Variants in DACH2 observed in about 807,000 individuals in gnomAD.
DACH2 encodes the protein dachshund homolog 2.
DACH2 carries 17 observed loss-of-function variants against 35.8 expected under a neutral mutation model. That is an observed-to-expected ratio of 0.48 (90% CI 0.33 to 0.71). The LOEUF (loss-of-function observed/expected upper bound fraction) is 0.71. DACH2 is among the 30% of genes least tolerant of loss of function. The probability of loss-of-function intolerance (pLI) is 0.02; values close to 1 mark genes in which losing one functional copy is unlikely to be tolerated. For synonymous variants in DACH2, 195 were observed against 177.3 expected, an observed-to-expected ratio of 1.10 and a Z score of -0.79; for missense variants, 469 against 472.7, an observed-to-expected ratio of 0.99 and a Z score of 0.07.
chrX:86,286,747 AAAC>A (rs1156605199), intron 1 of DACH2, among the ~76,000 whole-genome samples: 1 of 50,323 alleles, frequency 2.0e-5, no homozygotes, highest in Non-Finnish European at 3.2e-5. Flanking sequence ...AGCAAAAAGG[AAAC>A]AACAATAACT....
At position 86,455,961 on chromosome X, in the gene DACH2, T is replaced by C. The variant is rs1257511810; in HGVS notation, c.528-58318T>C. ...CAGCTTTTTGTGTCAGACCCAAGGC[T>C]CTGATGGCATAGGCTCATGAGGGGA... On this transcript the variant is annotated intron_variant, in intron 2 of 11. Transcript: ENST00000373125. 3.6e-5 allele frequency among the ~76,000 whole-genome samples: 4 copies of C among 112,145 alleles called. No homozygotes were observed. The Admixed American group carries it at 3.8e-4, about 11-fold the overall frequency.
At chrX:86,715,452 A>G (rs1258273993) in intron 6 of DACH2, among the ~76,000 whole-genome samples, 3 of 110,712 alleles carry the variant, frequency 2.7e-5, no homozygotes, top group East Asian at 2.8e-4. Flanking sequence ...CTCTCTTTCC[A>G]ATTATCATAT....
chrX:86,483,831 C>CAA (rs34870205), intron 2 of DACH2, among the ~76,000 whole-genome samples: 42 of 105,144 alleles, frequency 4.0e-4, no homozygotes, highest in African/African-American at 1.2e-3. Flanking sequence ...GACCTAGTCT[C>CAA]AAAAAAAAAT....
chrX:86,375,672 G>A lies in DACH2; in HGVS notation c.489-1152G>A, dbSNP rs969686493. On this transcript the variant is annotated intron_variant, in intron 1 of 11. Coordinates refer to ENST00000373125, the MANE Select transcript of DACH2 (RefSeq NM_053281.3). Reference sequence around the variant, plus strand: ...AGTTATGGCAGTGGAGTGACAGAACGTAAGAGTAGGTGAAAAAAGGCTCAC... The same window carrying A: ...AGTTATGGCAGTGGAGTGACAGAACATAAGAGTAGGTGAAAAAAGGCTCAC... 4.0e-4 allele frequency among the ~76,000 whole-genome samples: 43 copies of A among 107,537 alleles called. 1 individual carries two copies. The highest frequency in any genetic ancestry group is 2.4e-4 in the African/African-American group (7 of 29,747). The allele number at this position is 107,537 out of a possible 115,157, so 93.4% of individuals were successfully genotyped here.
intron 3 of DACH2, among the ~76,000 whole-genome samples, chrX:86,645,286 C>G (rs1011556692): frequency 9.0e-6 from 1 of 111,089 alleles, no homozygotes; most frequent in Non-Finnish European, 1.9e-5. Context: ...AGAAGACCTA[C>G]ATGCAGCGAA....
At chrX:86,695,975 A>G (rs1243244547) in intron 5 of DACH2, among the ~76,000 whole-genome samples, 1 of 111,943 alleles carries the variant, frequency 8.9e-6, no homozygotes, top group Non-Finnish European at 1.9e-5. Context: ...TGAATTGCAT[A>G]TAGTAAGTAC....
intron 4 of DACH2, among the ~76,000 whole-genome samples, chrX:86,669,289 G>A (rs781005240): frequency 9.0e-6 from 1 of 110,881 alleles, no homozygotes; most frequent in African/African-American, 3.3e-5. Context: ...ACACATTCTT[G>A]GTGGTGTTTC....
intron 4 of DACH2, among the ~76,000 whole-genome samples, chrX:86,683,844 T>A (rs2040910675): frequency 9.0e-6 from 1 of 111,359 alleles, no homozygotes; most frequent in African/African-American, 3.3e-5. Flanking sequence ...TATTTCCATA[T>A]CAGATATTAA....
At chrX:86,178,261 T>C (rs1275238115) in intron 1 of DACH2, among the ~76,000 whole-genome samples, 3 of 111,669 alleles carry the variant, frequency 2.7e-5, no homozygotes, top group African/African-American at 9.7e-5. Context: ...AAGACTTCTC[T>C]CATGGTGCGT....
At chrX:86,564,074 C>A (rs2039262890) in intron 3 of DACH2, among the ~76,000 whole-genome samples, 1 of 110,442 alleles carries the variant, frequency 9.1e-6, no homozygotes, top group Non-Finnish European at 1.9e-5. Flanking sequence ...CTTAAGATAA[C>A]TGAAGGAAGA....
At chrX:86,689,242 G>T (rs2040982370) in intron 4 of DACH2, among the ~76,000 whole-genome samples, 1 of 105,456 alleles carries the variant, frequency 9.5e-6, no homozygotes, top group African/African-American at 3.4e-5. Context: ...CTGATAAACT[G>T]CTGAATATTC....
intron 1 of DACH2, among the ~76,000 whole-genome samples, chrX:86,190,970 A>T (rs1269656352): frequency 3.6e-5 from 4 of 111,881 alleles, no homozygotes; most frequent in South Asian, 7.5e-4. Flanking sequence ...AATAAATAAA[A>T]TAAAAAGCAG....
chrX:86,451,912 C>T (rs938586545), intron 2 of DACH2, among the ~76,000 whole-genome samples: 1 of 111,318 alleles, frequency 9.0e-6, no homozygotes, highest in African/African-American at 3.3e-5. Context: ...AGAGGACATT[C>T]TTGTCTTGTA....
At chrX:86,240,115 C>T (rs757921768) in intron 1 of DACH2, among the ~76,000 whole-genome samples, 3 of 111,616 alleles carry the variant, frequency 2.7e-5, no homozygotes, top group Non-Finnish European at 5.6e-5. Context: ...CAAAAGCAAG[C>T]AACTTCCAAA....
At chrX:86,479,197 C>T (rs1012658863) in intron 2 of DACH2, among the ~76,000 whole-genome samples, 1 of 111,322 alleles carries the variant, frequency 9.0e-6, no homozygotes, top group African/African-American at 3.3e-5. Context: ...GTGTTCCTCT[C>T]GACATCCAGC....
intron 2 of DACH2, among the ~76,000 whole-genome samples, chrX:86,449,773 A>G (rs188521708): frequency 5.6e-4 from 62 of 111,648 alleles, no homozygotes; most frequent in African/African-American, 1.9e-3. Context: ...AAAAGTTTCT[A>G]TATTTTAATC....
chrX:86,395,063 C>A (rs370863910), intron 2 of DACH2, among the ~76,000 whole-genome samples: 1 of 111,754 alleles, frequency 8.9e-6, no homozygotes, highest in Non-Finnish European at 1.9e-5. Context: ...AAGTGCACAT[C>A]TTAGGGAAAC....
intron 1 of DACH2, among the ~76,000 whole-genome samples, chrX:86,241,407 G>T (rs2033163572): frequency 8.9e-6 from 1 of 111,805 alleles, no homozygotes; most frequent in Non-Finnish European, 1.9e-5. Flanking sequence ...GGTATATGGA[G>T]GAAGAAATTT....
intron 10 of DACH2, among the ~76,000 whole-genome samples, chrX:86,815,102 G>T (rs755031528): frequency 9.0e-6 from 1 of 111,690 alleles, no homozygotes; most frequent in East Asian, 2.8e-4. Flanking sequence ...TGCAGTAGAA[G>T]CAATAACACT....
Sources: gnomAD v4.1 joint callset for allele counts (sites outside exome capture counted in the v4.1 genomes callset) on GRCh38, gnomAD v4.1.1 for gene constraint, MANE v1.5 for transcripts, NCBI Gene and HGNC (gene_info 2026-07-23, HGNC 2026-07-21) for gene names.